The following RNASEL variants were observed in gnomAD, a reference collection of about 807,000 sequenced individuals.
The protein encoded by RNASEL is 2-5A-dependent ribonuclease.
In RNASEL, 36 loss-of-function variants were observed where a neutral mutation model predicts 50.9. The ratio of observed to expected loss-of-function variants is 0.71; its 90% CI spans 0.54 to 0.93. The LOEUF is 0.93. Ranked by LOEUF, RNASEL falls within the 40% of genes least tolerant of loss-of-function variation. The pLI is 0.00. For synonymous variants in RNASEL, 335 were observed against 335.6 expected, an observed-to-expected ratio of 1.00 and a Z score of 0.02; for missense variants, 860 against 894.5, an observed-to-expected ratio of 0.96 and a Z score of 0.49.
chr1:182,579,439 A>G (rs1347186560), intron 5 of RNASEL: 1 of 997,612 alleles, frequency 1.0e-6, no homozygotes, highest in East Asian at 1.1e-4. Context: ...CTGATGAAAG[A>G]GCAATGCTAG....
rs1185002525 is a variant in RNASEL, at chr1:182,575,527, T to C, written c.2091A>G (p.Pro697=). Residue 697 remains proline, a synonymous_variant, in exon 7 of 7, where the codon CCA becomes CCG. Coordinates refer to ENST00000367559, the MANE Select transcript of RNASEL (RefSeq NM_021133.4). ...DPSLYFQKTF[P]DLVIYVYTKL... ...TTGTGTAGACATAGATCACCAGATC[T>C]GGAAATGTCTTCTGAAAATACAGGG... 1 of 1,614,226 alleles carries C rather than the reference T, an allele frequency of 6.2e-7. No individual in the cohort carries two copies. Among genetic ancestry groups the C allele is most frequent in the East Asian group, 2.2e-5 (1 of 44,888 alleles).
rs548177431 is a variant in RNASEL at position 182,575,346 on chromosome 1, C to T, written c.*46G>A. ...CCAGAATGTTGTGATTTGCCAAGGA[C>T]TCTACAGCTAATAAGTAGTTCCCTG... On this transcript the variant is annotated 3_prime_UTR_variant, in exon 7 of 7. Transcript: ENST00000367559. 264 of 1,597,016 alleles carry T rather than the reference C, an allele frequency of 1.7e-4. 4 individuals are homozygous for T. The South Asian group carries it at 2.3e-3, about 14-fold the overall frequency.
At position 182,585,885 on chromosome 1, in the gene RNASEL, C is replaced by T. The variant is rs776054961; in HGVS notation, c.922G>A (p.Ala308Thr). The T allele has an allele frequency of 6.2e-7, 1 of 1,612,354 alleles. No individual in the cohort carries two copies. Among genetic ancestry groups the T allele is most frequent in the Non-Finnish European group, 8.5e-7 (1 of 1,178,588 alleles). The change falls in exon 2 of 7, where the codon GCG (alanine) becomes ACG (threonine). Residue 308 changes from alanine (A) to threonine (T), a missense_variant. By Grantham distance (58) the Ala-to-Thr change is moderately conservative (BLOSUM62 0). Transcript: ENST00000367559. The part of the protein sequence containing the change: ...STDCGDLVMT[A>T]RRNYDHSLVK... Reference sequence around the variant, plus strand: ...AGGGAATGGTCATAATTCCGCCTCGCTGTCATAACAAGATCCCCACAATCT... The same window carrying T: ...AGGGAATGGTCATAATTCCGCCTCGTTGTCATAACAAGATCCCCACAATCT...
At position 182,581,354 on chromosome 1, in the gene RNASEL, G is replaced by A; in HGVS notation, c.1776C>T (p.Arg592=). The A allele has an allele frequency of 6.2e-7, 1 of 1,613,742 alleles. No individual in the cohort carries two copies. Among genetic ancestry groups the A allele is most frequent in the African/African-American group, 1.3e-5 (1 of 74,876 alleles). Residue 592 remains arginine, a synonymous_variant, in exon 5 of 7, where the codon CGC becomes CGT. Transcript: ENST00000367559. ...TTCCCACATTCCGAAGCGTCCTATAGCGGCTGAAGATGACTAAATGATCTA... is the reference window on the plus strand; with the variant it reads ...TTCCCACATTCCGAAGCGTCCTATAACGGCTGAAGATGACTAAATGATCTA... ...GHPFFWTWES[R]YRTLRNVGNE...
At chr1:182,584,059 T>C (rs1350421085) in intron 3 of RNASEL, 22 bp downstream of exon 3, 46 of 1,569,162 alleles carry the variant, frequency 2.9e-5, no homozygotes, top group Non-Finnish European at 3.9e-5. Context: ...AGAAGAAAGG[T>C]AAACTGGATT....
rs778482438 is a variant in RNASEL at position 182,574,621 on chromosome 1, A to G, written c.*771T>C. The G allele has an allele frequency of 2.0e-4, 46 of 232,834 alleles. No individual in the cohort carries two copies. The highest frequency in any genetic ancestry group is 3.2e-4 in the Non-Finnish European group (38 of 117,894). The allele number at this position is 232,834 out of a possible 1,614,324, so 14.4% of individuals were successfully genotyped here. On this transcript the variant is annotated 3_prime_UTR_variant, in exon 7 of 7. Transcript: ENST00000367559. ...TCCTGTGCAAGGCAGGTTTGGCAGC[A>G]TCCCTGGTCTTTACCCACTAAATGC...
chr1:182,575,422 C>A lies in RNASEL; in HGVS notation c.2196G>T (p.Gly732=). The A allele has an allele frequency of 2.5e-6, 4 of 1,614,108 alleles. No homozygotes were observed. Among genetic ancestry groups the A allele is most frequent in the Non-Finnish European group, 3.4e-6 (4 of 1,180,024 alleles). Residue 732 remains glycine (G), a synonymous_variant, in exon 7 of 7, where the codon GGG becomes GGT. Transcript: ENST00000367559. ...PNKPQCDGAG[G]ASGLASPGC ...ACCCAGGGCTGGCCAACCCACTGGCCCCACCAGCTCCATCACACTGAGGCT... is the reference window on the plus strand; with the variant it reads ...ACCCAGGGCTGGCCAACCCACTGGCACCACCAGCTCCATCACACTGAGGCT...
At chr1:182,579,717 T>A (rs920363201) in intron 5 of RNASEL, 1 of 1,174,244 alleles carries the variant, frequency 8.5e-7, no homozygotes. Flanking sequence ...TATAAGCCCA[T>A]GGAATTTAGG....
Position 182,579,130 on chromosome 1 carries a change from C to T in RNASEL, c.1905+2095G>A, listed in dbSNP as rs989590545. The T allele has an allele frequency of 8.7e-5, 41 of 471,490 alleles. No homozygotes were observed. In the East Asian group the frequency reaches 2.5e-3, roughly 28 times the overall value. The allele number at this position is 471,490 out of a possible 1,614,324, so 29.2% of individuals were successfully genotyped here. ...GAAATTACTTAATGGGTACAATGTG[C>T]GTTATTCAGGTAATGGTTACACTAA... On this transcript the variant is annotated intron_variant, in intron 5 of 6. Coordinates refer to ENST00000367559, the MANE Select transcript of RNASEL (RefSeq NM_021133.4).
At chr1:182,581,467 T>C in intron 4 of RNASEL, 110 bp from the exon 5 acceptor site, 1 of 1,142,640 alleles carries the variant, frequency 8.8e-7, no homozygotes, top group Non-Finnish European at 1.2e-6. Flanking sequence ...TTCTTGGTTT[T>C]TCTTTCTTTT....
intron 5 of RNASEL, among the ~76,000 whole-genome samples, 160 bp downstream of exon 5, chr1:182,581,065 A>G (rs501286): frequency 1 from 151,811 of 152,280 alleles, 75,672 homozygotes; most frequent in Non-Finnish European, 1. Flanking sequence ...ACACCCCGGC[A>G]GGGAGCCTAG....
chr1:182,588,876 C>A (rs112714021), intron 1 of RNASEL, among the ~76,000 whole-genome samples: 3,781 of 152,232 alleles, frequency 0.025, 158 homozygotes, highest in African/African-American at 0.087. Flanking sequence ...GACGAGCCTG[C>A]GGAAGTACTC....
intron 5 of RNASEL, chr1:182,579,209 C>A: frequency 2.0e-6 from 2 of 975,930 alleles, no homozygotes; most frequent in Non-Finnish European, 2.4e-6. Flanking sequence ...TATACTAGTA[C>A]CCTCTAAAAT....
At chr1:182,579,730 A>G (rs1661454928) in intron 5 of RNASEL, 8 of 1,175,934 alleles carry the variant, frequency 6.8e-6, no homozygotes, top group Non-Finnish European at 7.5e-6. Context: ...AATTTAGGGA[A>G]AAGAACCAAT....
Position 182,585,840 on chromosome 1 carries a change from G to C in RNASEL, c.967C>G (p.His323Asp), listed in dbSNP as rs1240505316. 5 of 1,613,574 alleles carry C rather than the reference G, an allele frequency of 3.1e-6. No individual in the cohort carries two copies. In the South Asian group the frequency reaches 4.4e-5, roughly 14 times the overall value. ...GGGTGAAAATCTTCTTTGGCTCCAT[G>C]AGAGAGAAGAACCTTCACAAGGGAA... Reference protein sequence around the residue: ...DHSLVKVLLSHGAKEDFHPPA... With the variant: ...DHSLVKVLLSDGAKEDFHPPA... Residue 323 changes from histidine (H) to aspartate (D), a missense_variant, in exon 2 of 7, where the codon CAT becomes GAT. Coordinates refer to ENST00000367559, the MANE Select transcript of RNASEL (RefSeq NM_021133.4).
intron 3 of RNASEL, 117 bp from the exon 4 acceptor site, chr1:182,582,375 A>G: frequency 8.2e-7 from 1 of 1,220,608 alleles, no homozygotes; most frequent in South Asian, 1.2e-5. Flanking sequence ...AGGAATTTGT[A>G]GGCTTGTTAG....
chr1:182,574,764 C>A lies in RNASEL; in HGVS notation c.*628G>T. 1 of 232,100 alleles carries A rather than the reference C, an allele frequency of 4.3e-6. No individual in the cohort carries two copies. The highest frequency in any genetic ancestry group is 2.2e-5 in the African/African-American group (1 of 45,052). The allele number at this position is 232,100 out of a possible 1,614,324, so 14.4% of individuals were successfully genotyped here. On this transcript the variant is annotated 3_prime_UTR_variant, in exon 7 of 7. Coordinates refer to ENST00000367559, the MANE Select transcript of RNASEL (RefSeq NM_021133.4). The stretch of plus-strand genomic sequence containing the variant: ...ACTACTGCCTTAAGGTCATGGAAAA[C>A]CAATGCAGTTGGTTCTGGAAGGAGT...
At chr1:182,580,740 T>C (rs1307371381) in intron 5 of RNASEL, among the ~76,000 whole-genome samples, 1 of 152,258 alleles carries the variant, frequency 6.6e-6, no homozygotes, top group African/African-American at 2.4e-5. Flanking sequence ...TGAAAGATCA[T>C]CTTTCCTTCA....
Position 182,574,900 on chromosome 1 carries a change from C to T in RNASEL, c.*492G>A, listed in dbSNP as rs912343277. 2 of 248,504 alleles carry T rather than the reference C, an allele frequency of 8.0e-6. No individual in the cohort carries two copies. The highest frequency in any genetic ancestry group is 4.4e-5 in the African/African-American group (2 of 45,108). The allele number at this position is 248,504 out of a possible 1,614,324, so 15.4% of individuals were successfully genotyped here. ...ATGTTTTGGGCCTCATCTGGAAGAG[C>T]CCTGGAAGGATAGTTAAGTTTTAAG... On this transcript the variant is annotated 3_prime_UTR_variant, in exon 7 of 7. Coordinates refer to ENST00000367559, the MANE Select transcript of RNASEL (RefSeq NM_021133.4).
Sources: gnomAD v4.1 joint callset for allele counts (sites outside exome capture counted in the v4.1 genomes callset) on GRCh38, gnomAD v4.1.1 for gene constraint, MANE v1.5 for transcripts, NCBI Gene and HGNC (gene_info 2026-07-23, HGNC 2026-07-21) for gene names.